The following PDZD2 variants were observed in gnomAD, a reference collection of about 807,000 sequenced individuals.
PDZD2 encodes the protein PDZ domain-containing protein 2.
Under a neutral mutation model 220.7 loss-of-function variants are expected in PDZD2, and 90 were observed. That is an observed-to-expected ratio of 0.41 (90% confidence interval 0.34 to 0.49). PDZD2 has a LOEUF of 0.49. PDZD2 is among the 20% of genes least tolerant of loss of function. The probability of loss-of-function intolerance (pLI) is 0.28; values close to 1 mark genes in which losing one functional copy is unlikely to be tolerated. For synonymous variants in PDZD2, 1,375 were observed against 1,450.5 expected (o/e 0.95, Z 1.18); for missense variants, 3,174 against 3,608.5 (o/e 0.88, Z 3.08).
intron 14 of PDZD2, among the ~76,000 whole-genome samples, chr5:32,065,430 TTAAGAG>T (rs76507105): frequency 9.8e-5 from 15 of 152,340 alleles, no homozygotes; most frequent in Non-Finnish European, 2.2e-4. Context: ...GTACACCACT[TTAAGAG>T]TAAGAAGTCT....
At chr5:31,810,327 A>G (rs535151230) in intron 2 of PDZD2, among the ~76,000 whole-genome samples, 1 of 144,972 alleles carries the variant, frequency 6.9e-6, no homozygotes, top group South Asian at 2.2e-4. Context: ...CAGTGGCGCG[A>G]TCTCCGCTCA....
intron 2 of PDZD2, among the ~76,000 whole-genome samples, chr5:31,906,299 G>T (rs1238832960): frequency 1.3e-5 from 2 of 149,450 alleles, no homozygotes; most frequent in South Asian, 2.1e-4. Context: ...TTTTGAGATG[G>T]GGTCTCACCC....
At chr5:32,040,027 TAGG>T (rs1448920339) in intron 7 of PDZD2, among the ~76,000 whole-genome samples, 6 of 132,010 alleles carry the variant, frequency 4.5e-5, no homozygotes, top group Admixed American at 2.3e-4. Context: ...CCGCCCAGTC[TAGG>T]AGGAAGTGAG....
Position 32,077,525 on chromosome 5 carries a change from G to A in PDZD2, c.3601G>A (p.Ala1201Thr). The A allele has an allele frequency of 6.2e-7, 1 of 1,614,032 alleles. No homozygotes were observed. The highest frequency in any genetic ancestry group is 8.5e-7 in the Non-Finnish European group (1 of 1,179,874). The change falls in exon 19 of 25, where the codon GCT becomes ACT. Residue 1201 changes from alanine (A) to threonine (T), a missense_variant. Ala to Thr is a moderately conservative substitution (Grantham distance 58, BLOSUM62 0). Around this residue, in one of 4 missense-constraint regions of PDZD2, gnomAD observed 1,861 missense variants for 2,001.0 expected, o/e 0.93. Transcript: ENST00000438447. ...CTCTACCAGCTGTGAACTAGCCAGT[G>A]CTCTGTCCCATCTGGATGCCAGCCA... ...CVSTSCELAS[A>T]LSHLDASHLT...
chr5:31,987,571 G>A (rs1750815603), intron 3 of PDZD2, among the ~76,000 whole-genome samples: 2 of 152,174 alleles, frequency 1.3e-5, no homozygotes, highest in South Asian at 4.1e-4. Flanking sequence ...TCCCAAGTCT[G>A]TGTCTGAGCC....
intron 6 of PDZD2, among the ~76,000 whole-genome samples, chr5:32,027,203 C>T (rs2112171715): frequency 1.3e-5 from 2 of 152,272 alleles, no homozygotes; most frequent in Middle Eastern, 6.8e-3. Context: ...CATGCCTGGC[C>T]CCCCTGTTAT....
intron 5 of PDZD2, among the ~76,000 whole-genome samples, chr5:32,009,080 C>G (rs1219348110): frequency 6.6e-6 from 1 of 152,052 alleles, no homozygotes; most frequent in East Asian, 1.9e-4. Flanking sequence ...CTCGGTGGCT[C>G]ATGCCTGTAA....
At chr5:31,804,240 C>T (rs371817666) in intron 2 of PDZD2, among the ~76,000 whole-genome samples, 1 of 152,050 alleles carries the variant, frequency 6.6e-6, no homozygotes, top group African/African-American at 2.4e-5. Context: ...CCTGAAGCCA[C>T]TGAGATGTAG....
intron 5 of PDZD2, among the ~76,000 whole-genome samples, chr5:32,008,248 TG>T (rs1379671959): frequency 6.6e-6 from 1 of 151,402 alleles, no homozygotes; most frequent in Non-Finnish European, 1.5e-5. Context: ...AGACCTTATC[TG>T]ACATTTTGAT....
rs1738445492 is a variant in PDZD2 at position 31,868,564 on chromosome 5, A to G, written c.476+68840A>G. 5.9e-5 allele frequency among the ~76,000 whole-genome samples: 9 copies of G among 152,248 alleles called. No individual in the cohort carries two copies. In the South Asian group the frequency reaches 1.7e-3, roughly 28 times the overall value. ...AAGTTTGTCACTCCCTCATAGGTTC[A>G]TGGTGAGGATGGAGTGGGTGAGGGA... On this transcript the variant is annotated intron_variant, in intron 2 of 24. Transcript: ENST00000438447.
intron 6 of PDZD2, among the ~76,000 whole-genome samples, chr5:32,018,739 G>T (rs911514115): frequency 6.6e-6 from 1 of 152,220 alleles, no homozygotes; most frequent in African/African-American, 2.4e-5. Context: ...GTAGGTCTCA[G>T]TTCACTTAGA....
intron 2 of PDZD2, among the ~76,000 whole-genome samples, chr5:31,945,024 A>G (rs1242257063): frequency 6.6e-6 from 1 of 152,194 alleles, no homozygotes; most frequent in Non-Finnish European, 1.5e-5. Context: ...GAGATTTATT[A>G]AGTGTGTCAT....
chr5:32,052,827 T>C, intron 9 of PDZD2, 97 bp downstream of exon 9: 3 of 1,309,008 alleles, frequency 2.3e-6, no homozygotes, highest in Non-Finnish European at 3.3e-6. Flanking sequence ...TTTTTGTTTT[T>C]AGAAACAGGT....
Position 31,756,899 on chromosome 5 carries a change from T to G in PDZD2, c.-360-41990T>G, listed in dbSNP as rs184717074. 5.9e-3 allele frequency among the ~76,000 whole-genome samples: 898 copies of G among 152,306 alleles called. 8 individuals are homozygous for G. Among genetic ancestry groups the G allele is most frequent in the Non-Finnish European group, 0.011 (722 of 68,026 alleles). ...AGGAATCCAGTTAATTAAGCAAATA[T>G]GAATAAAGAAACAAAGCAAAAACAC... On this transcript the variant is annotated intron_variant, in intron 1 of 24. Coordinates refer to ENST00000438447, the MANE Select transcript of PDZD2 (RefSeq NM_178140.4).
At chr5:31,785,597 G>C (rs1753334905) in intron 1 of PDZD2, among the ~76,000 whole-genome samples, 1 of 151,808 alleles carries the variant, frequency 6.6e-6, no homozygotes, top group Non-Finnish European at 1.5e-5. Context: ...TGCAGCACCA[G>C]ACCCAGCTAA....
rs1443705774 is a variant in PDZD2, at chr5:32,088,435, T to C, written c.4987T>C (p.Ser1663Pro). Residue 1663 changes from serine (S) to proline (P), a missense_variant, in exon 20 of 25, where the codon TCC (serine) becomes CCC (proline). By Grantham distance (74) the Ser-to-Pro change is moderately conservative. Around this residue, in one of 4 missense-constraint regions of PDZD2, gnomAD observed 1,861 missense variants for 2,001.0 expected, o/e 0.93. Transcript: ENST00000438447. This position sits in a 1 kb window ranked among gnomAD's most constrained non-coding sequence, Gnocchi z 4.6. ...PGSYTSGPDS[S>P]QPSSLLEMSS... is the part of the protein sequence containing the mutation. ...CTCATACACTTCAGGCCCAGACTCT[T>C]CCCAGCCATCATCACTCTTGGAGAT... The C allele has an allele frequency of 7.4e-6, 12 of 1,614,036 alleles. No individual in the cohort carries two copies. The highest frequency in any genetic ancestry group is 1.0e-5 in the Non-Finnish European group (12 of 1,179,980).
At chr5:31,934,847 G>A (rs1017232972) in intron 2 of PDZD2, among the ~76,000 whole-genome samples, 1 of 152,116 alleles carries the variant, frequency 6.6e-6, no homozygotes, top group African/African-American at 2.4e-5. Context: ...AGAACTTTGG[G>A]AGGCCGAGAT....
At chr5:31,864,341 A>G (rs1737994741) in intron 2 of PDZD2, among the ~76,000 whole-genome samples, 1 of 152,018 alleles carries the variant, frequency 6.6e-6, no homozygotes. Flanking sequence ...TCCGGTCTGC[A>G]CCTCTGTAAA....
chr5:31,801,492 G>T (rs754964102), intron 2 of PDZD2, among the ~76,000 whole-genome samples: 5 of 152,134 alleles, frequency 3.3e-5, no homozygotes, highest in Non-Finnish European at 7.4e-5. Flanking sequence ...TTTGAAAGTG[G>T]TCCCTAAGAG....
Sources: gnomAD v4.1 joint callset for allele counts (sites outside exome capture counted in the v4.1 genomes callset) on GRCh38, gnomAD v4.1.1 for gene constraint, gnomAD v4.1.1 regional missense constraint, Gnocchi (gnomAD v3.1) non-coding constraint, MANE v1.5 for transcripts, NCBI Gene and HGNC (gene_info 2026-07-23, HGNC 2026-07-21) for gene names.